GPHN: variants seen among roughly 807,000 people sequenced by gnomAD.
GPHN encodes the protein gephyrin.
Under a neutral mutation model 95.5 loss-of-function variants are expected in GPHN, and 17 were observed. The observed-to-expected ratio is 0.18, with a 90% CI of 0.12 to 0.27. The LOEUF (loss-of-function observed/expected upper bound fraction) is 0.27. Among genes scored for constraint, GPHN ranks in the 10% least tolerant of loss-of-function variants. GPHN has a pLI of 1.00. For synonymous variants in GPHN, 320 were observed against 322.5 expected (o/e 0.99, Z 0.08); for missense variants, 660 against 978.1 (o/e 0.67, Z 4.34).
chr14:67,426,059 A>T, the GPHN span, among the ~76,000 whole-genome samples: 1 of 152,072 alleles, frequency 6.6e-6, no homozygotes, highest in African/African-American at 2.4e-5. Context: ...AAAAAATTTA[A>T]TAACCGGCTT....
chr14:67,240,008 A>T, the GPHN span, among the ~76,000 whole-genome samples: 1 of 152,134 alleles, frequency 6.6e-6, no homozygotes, highest in Non-Finnish European at 1.5e-5. Flanking sequence ...TGGCATCTTT[A>T]TGGAGGAATA....
intron 11 of GPHN, among the ~76,000 whole-genome samples, chr14:67,073,668 T>C (rs1353707677): frequency 6.6e-6 from 1 of 152,184 alleles, no homozygotes; most frequent in Admixed American, 6.5e-5. Context: ...TTTGTACCAC[T>C]AAATCATGGC....
the GPHN span, among the ~76,000 whole-genome samples, chr14:67,446,697 TG>T: frequency 0.018 from 2,816 of 152,250 alleles, 30 homozygotes; most frequent in Middle Eastern, 0.048. Context: ...GCCACTATGC[TG>T]GGTGACAGAA....
At chr14:66,656,810 C>T (rs2065332520) in intron 1 of GPHN, among the ~76,000 whole-genome samples, 1 of 152,072 alleles carries the variant, frequency 6.6e-6, no homozygotes, top group Admixed American at 6.5e-5. Context: ...TGACCATTTC[C>T]CCATCTCTTT....
At chr14:66,811,011 G>A (rs1267933471) in intron 3 of GPHN, among the ~76,000 whole-genome samples, 2 of 152,146 alleles carry the variant, frequency 1.3e-5, no homozygotes, top group South Asian at 2.1e-4. Context: ...GCAGAATATT[G>A]TGCAGACTTA....
intron 1 of GPHN, among the ~76,000 whole-genome samples, chr14:66,632,181 T>C (rs1028264134): frequency 1.3e-5 from 2 of 152,130 alleles, no homozygotes; most frequent in African/African-American, 4.8e-5. Context: ...GCAAAATGAT[T>C]AGATTAAATG....
intron 2 of GPHN, among the ~76,000 whole-genome samples, chr14:66,683,231 G>A (rs2067050329): frequency 6.8e-6 from 1 of 146,730 alleles, no homozygotes; most frequent in South Asian, 2.2e-4. Context: ...TCTTTATTAA[G>A]AACTGTCAGG....
At chr14:66,873,243 C>G (rs1015320261) in intron 4 of GPHN, among the ~76,000 whole-genome samples, 6 of 152,208 alleles carry the variant, frequency 3.9e-5, no homozygotes, top group Non-Finnish European at 7.3e-5. Flanking sequence ...AGATACTATG[C>G]TTTTCCCACA....
the GPHN span, among the ~76,000 whole-genome samples, chr14:67,371,866 A>G: frequency 1.3e-5 from 2 of 152,248 alleles, no homozygotes; most frequent in South Asian, 2.1e-4. Flanking sequence ...TGTGATTAGC[A>G]TAGATAAAAC....
At chr14:66,760,565 C>A in intron 2 of GPHN, 3 of 337,672 alleles carry the variant, frequency 8.9e-6, no homozygotes. Context: ...CTGTTCAGGG[C>A]CCATCTACCC....
chr14:67,064,178 C>G lies in GPHN; in HGVS notation c.1144+5392C>G, dbSNP rs991091135. Among the ~76,000 whole-genome samples, 122 of 152,294 alleles carry G rather than the reference C, an allele frequency of 8.0e-4. 1 individual carries two copies. The highest frequency in any genetic ancestry group is 9.6e-4 in the African/African-American group (40 of 41,564). The stretch of plus-strand genomic sequence containing the variant: ...GTTTTGTCGAAGGCCTTTTCTGCAT[C>G]TATTGAGATAATCATGTGGTTTTTG... On this transcript the variant is annotated intron_variant, in intron 11 of 22. Coordinates refer to ENST00000478722, the MANE Select transcript of GPHN (RefSeq NM_020806.5).
chr14:67,378,907 C>A, the GPHN span, among the ~76,000 whole-genome samples: 3 of 152,146 alleles, frequency 2.0e-5, no homozygotes, highest in Non-Finnish European at 4.4e-5. Flanking sequence ...GTATCAATAT[C>A]ATTTGTTTTT....
chr14:66,649,202 C>T (rs771811854), intron 1 of GPHN, among the ~76,000 whole-genome samples: 2 of 152,000 alleles, frequency 1.3e-5, no homozygotes, highest in African/African-American at 4.8e-5. Flanking sequence ...GGCGTGGTGG[C>T]GTGCGCCTGT....
chr14:67,305,168 A>G, the GPHN span, among the ~76,000 whole-genome samples: 1 of 152,224 alleles, frequency 6.6e-6, no homozygotes, highest in African/African-American at 2.4e-5. Context: ...AGCTCTGCAA[A>G]CTGAGGAAAC....
the GPHN span, chr14:67,726,917 C>A: frequency 6.8e-7 from 1 of 1,464,124 alleles, no homozygotes; most frequent in Non-Finnish European, 9.5e-7. Flanking sequence ...GTCCTCTTGG[C>A]TCCCACATGC....
the GPHN span, among the ~76,000 whole-genome samples, chr14:67,381,309 C>G: frequency 6.6e-6 from 1 of 152,154 alleles, no homozygotes; most frequent in South Asian, 2.1e-4. Flanking sequence ...CATACTTAAC[C>G]ATTTACACAA....
chr14:66,735,696 A>AATTTT (rs1566886013), intron 2 of GPHN, among the ~76,000 whole-genome samples: 4 of 152,064 alleles, frequency 2.6e-5, no homozygotes, highest in South Asian at 4.1e-4. Flanking sequence ...GATATAGCCA[A>AATTTT]ATTTTATTTT....
chr14:67,174,929 T>TTTGA (rs1043150269), intron 21 of GPHN, among the ~76,000 whole-genome samples: 4 of 152,182 alleles, frequency 2.6e-5, no homozygotes, highest in Admixed American at 1.3e-4. Flanking sequence ...GATGGGGTTG[T>TTTGA]TTTTTTCTTG....
chr14:66,984,762 T>C (rs2070904981), intron 9 of GPHN, among the ~76,000 whole-genome samples: 1 of 152,122 alleles, frequency 6.6e-6, no homozygotes, highest in Non-Finnish European at 1.5e-5. Context: ...TGACCTATGC[T>C]GGTCTGAATT....
Sources: gnomAD v4.1 joint callset for allele counts (sites outside exome capture counted in the v4.1 genomes callset) on GRCh38, gnomAD v4.1.1 for gene constraint, MANE v1.5 for transcripts, NCBI Gene and HGNC (gene_info 2026-07-23, HGNC 2026-07-21) for gene names.